The following UNC5C variants were observed in gnomAD, a reference collection of about 807,000 sequenced individuals.
UNC5C encodes the protein unc-5 netrin receptor C.
UNC5C carries 47 observed loss-of-function variants against 99.8 expected under a neutral mutation model. That is an observed-to-expected ratio of 0.47 (90% CI 0.37 to 0.60). UNC5C has a LOEUF of 0.60. UNC5C is among the 20% of genes least tolerant of loss of function. The pLI is 0.00. For synonymous variants in UNC5C, 487 were observed against 452.2 expected (o/e 1.08, Z -0.98); for missense variants, 1,062 against 1,165.9 (o/e 0.91, Z 1.30).
intron 1 of UNC5C, among the ~76,000 whole-genome samples, chr4:95,378,306 A>G (rs1181249102): frequency 6.6e-6 from 1 of 152,216 alleles, no homozygotes; most frequent in African/African-American, 2.4e-5. Flanking sequence ...ATCCTTAGAT[A>G]TATAATCTAT....
At position 95,528,381 on chromosome 4, in the gene UNC5C, C is replaced by T. The variant is rs567078648; in HGVS notation, c.124+20353G>A. Reference sequence around the variant, plus strand: ...GCACTGGGGTCTCCCTCCCTTCATACGGCCTTCAAGGAAAAGGAGAAATAT... The same window carrying T: ...GCACTGGGGTCTCCCTCCCTTCATATGGCCTTCAAGGAAAAGGAGAAATAT... On this transcript the variant is annotated intron_variant, in intron 1 of 15. Transcript: ENST00000453304. 1.8e-3 allele frequency among the ~76,000 whole-genome samples: 276 copies of T among 152,248 alleles called. 2 individuals are homozygous for T. The highest frequency in any genetic ancestry group is 6.5e-3 in the African/African-American group (270 of 41,562).
intron 1 of UNC5C, among the ~76,000 whole-genome samples, chr4:95,363,479 C>G (rs899533280): frequency 6.6e-6 from 1 of 152,124 alleles, no homozygotes; most frequent in Non-Finnish European, 1.5e-5. Context: ...AGTGATAATA[C>G]TTCATTTTAA....
At chr4:95,190,226 A>G (rs549169164) in intron 12 of UNC5C, among the ~76,000 whole-genome samples, 1 of 152,222 alleles carries the variant, frequency 6.6e-6, no homozygotes, top group African/African-American at 2.4e-5. Context: ...CATTCTCAGT[A>G]AACTATCACA....
intron 12 of UNC5C, among the ~76,000 whole-genome samples, chr4:95,195,072 C>T (rs1737323418): frequency 6.6e-6 from 1 of 152,192 alleles, no homozygotes; most frequent in Admixed American, 6.5e-5. Context: ...TAATATCTTC[C>T]TTAAGCCATT....
At chr4:95,458,156 A>C (rs1474685392) in intron 1 of UNC5C, among the ~76,000 whole-genome samples, 1 of 152,154 alleles carries the variant, frequency 6.6e-6, no homozygotes, top group Admixed American at 6.6e-5. Context: ...CATTATTAAT[A>C]TAGGGCCAGA....
intron 4 of UNC5C, among the ~76,000 whole-genome samples, chr4:95,261,682 T>TA (rs1232160334): frequency 4.6e-5 from 7 of 151,502 alleles, no homozygotes. Flanking sequence ...GGAATCACAG[T>TA]ATATCTTTAA....
chr4:95,215,175 G>A (rs1261324257), intron 10 of UNC5C, among the ~76,000 whole-genome samples: 2 of 152,208 alleles, frequency 1.3e-5, no homozygotes, highest in African/African-American at 2.4e-5. Flanking sequence ...GAGGATGAGA[G>A]CTGGGAAAAG....
At chr4:95,467,807 CA>C (rs1272835133) in intron 1 of UNC5C, among the ~76,000 whole-genome samples, 5 of 152,128 alleles carry the variant, frequency 3.3e-5, no homozygotes, top group Non-Finnish European at 5.9e-5. Context: ...ATAACATAAA[CA>C]GTCAATTAAC....
Position 95,301,691 on chromosome 4 carries a change from A to C in UNC5C, c.405T>G (p.Phe135Leu). 3.1e-6 allele frequency: 5 copies of C among 1,613,604 alleles called. No homozygotes were observed. The highest frequency in any genetic ancestry group is 4.2e-6 in the Non-Finnish European group (5 of 1,180,034). Residue 135 changes from phenylalanine (F) to leucine (L), a missense_variant, in exon 3 of 16, where the codon TTT becomes TTG. Phe to Leu is a conservative substitution (Grantham distance 22). Around this residue, in one of 3 missense-constraint regions of UNC5C, gnomAD observed 249 missense variants for 295.1 expected, o/e 0.84. Coordinates refer to ENST00000453304, the MANE Select transcript of UNC5C (RefSeq NM_003728.4). ...EISRQQVEEL[F>L]GPEDYWCQCV... ...ACTGGCACCAGTAATCTTCAGGTCC[A>C]AAGAGTTCTTCCACTTGCTGGCGCG...
chr4:95,410,902 A>T (rs1344804872), intron 1 of UNC5C, among the ~76,000 whole-genome samples: 1 of 152,012 alleles, frequency 6.6e-6, no homozygotes, highest in East Asian at 1.9e-4. Flanking sequence ...CCTCACCACC[A>T]CCTGGTTCCC....
rs375565874 is a variant in UNC5C, at chr4:95,219,013, C to A, written c.1601G>T (p.Gly534Val). 5.2e-5 allele frequency: 84 copies of A among 1,613,398 alleles called. No individual in the cohort carries two copies. The highest frequency in any genetic ancestry group is 7.0e-5 in the Non-Finnish European group (83 of 1,179,598). ...RQTDPSCTAF[G>V]SFNSLGGHLI... ...GTGACCTCCCAGCGAGTTGAAGCTG[C>A]CAAATGCGGTACAGGATGGATCAGT... is the stretch of plus-strand genomic sequence containing the variant. The change falls in exon 9 of 16, where the codon GGC becomes GTC. Residue 534 changes from glycine to valine, a missense_variant. Physicochemically the swap from Gly to Val is moderately radical, Grantham distance 109. This residue lies in a region of UNC5C where 810 missense variants were observed against 854.5 expected (regional missense o/e 0.95). Coordinates refer to ENST00000453304, the MANE Select transcript of UNC5C (RefSeq NM_003728.4).
At chr4:95,408,831 T>C in intron 1 of UNC5C, among the ~76,000 whole-genome samples, 1 of 152,202 alleles carries the variant, frequency 6.6e-6, no homozygotes, top group East Asian at 1.9e-4. Context: ...AGCATGTAAG[T>C]ATAACCTTAA....
chr4:95,305,849 C>T (rs6848737), intron 2 of UNC5C, among the ~76,000 whole-genome samples: 96,538 of 151,878 alleles, frequency 0.64, 30,886 homozygotes, highest in East Asian at 0.84. Context: ...AAATGCAACC[C>T]TCTGATTGGA....
At chr4:95,175,727 C>G (rs1413633918) in intron 14 of UNC5C, among the ~76,000 whole-genome samples, 11 of 152,178 alleles carry the variant, frequency 7.2e-5, no homozygotes, top group Admixed American at 6.5e-5. Flanking sequence ...GTGTCTTGGA[C>G]TTTCTCTTCT....
At chr4:95,457,512 A>G (rs1372803959) in intron 1 of UNC5C, among the ~76,000 whole-genome samples, 1 of 152,168 alleles carries the variant, frequency 6.6e-6, no homozygotes, top group Non-Finnish European at 1.5e-5. Flanking sequence ...TTCTACTCTC[A>G]GGAACCAACA....
intron 1 of UNC5C, among the ~76,000 whole-genome samples, chr4:95,412,955 A>C (rs1195468642): frequency 6.6e-6 from 1 of 152,172 alleles, no homozygotes; most frequent in East Asian, 1.9e-4. Flanking sequence ...CTTTCCATCT[A>C]CATACCCAGG....
rs767479257 is a variant in UNC5C at position 95,275,281 on chromosome 4, T to TACACACAC, written c.594+2977_594+2978insGTGTGTGT. Reference sequence around the variant, plus strand: ...CACAGTGCCAAGAAGAGGGGCAAGGTACTCAGTAAGAATTTTGAATTTAAG... The same window carrying TACACACAC: ...CACAGTGCCAAGAAGAGGGGCAAGGTACACACACACTCAGTAAGAATTTTGAATTTAAG... On this transcript the variant is annotated intron_variant, in intron 4 of 15. Coordinates refer to ENST00000453304, the MANE Select transcript of UNC5C (RefSeq NM_003728.4). Among the ~76,000 whole-genome samples the TACACACAC allele has an allele frequency of 7.2e-5, 11 of 152,294 alleles. No individual in the cohort carries two copies. The East Asian group carries it at 2.1e-3, about 29-fold the overall frequency.
Position 95,500,422 on chromosome 4 carries a change from A to G in UNC5C, c.124+48312T>C, listed in dbSNP as rs74495519. 1.9e-3 allele frequency among the ~76,000 whole-genome samples: 290 copies of G among 152,216 alleles called. 5 individuals are homozygous for G. The East Asian group carries it at 0.048, about 25-fold the overall frequency. ...TCTGGCCATATTAAGTTCTAAAAAA[A>G]ACAAGCTAGTTATAAAAAATGGATG... On this transcript the variant is annotated intron_variant, in intron 1 of 15. Transcript: ENST00000453304.
intron 1 of UNC5C, among the ~76,000 whole-genome samples, chr4:95,377,373 C>G (rs923153801): frequency 2.6e-5 from 4 of 152,126 alleles, no homozygotes; most frequent in Admixed American, 2.0e-4. Context: ...GTTGTTCCAG[C>G]CCCAGCTATA....
Sources: allele counts gnomAD v4.1 joint callset (sites outside exome capture counted in the v4.1 genomes callset), GRCh38; gene constraint gnomAD v4.1.1; regional missense constraint gnomAD v4.1.1; transcripts MANE v1.5; gene names NCBI Gene and HGNC (gene_info 2026-07-23, HGNC 2026-07-21).